TMEM178B: variants seen among roughly 807,000 people sequenced by gnomAD.
TMEM178B encodes transmembrane protein 178B.
In TMEM178B, 5 loss-of-function variants were observed where a neutral mutation model predicts 31.0. The ratio of observed to expected loss-of-function variants is 0.16; its 90% CI spans 0.08 to 0.34. TMEM178B has a LOEUF of 0.34. Among genes scored for constraint, TMEM178B ranks in the 10% least tolerant of loss-of-function variants. The pLI, the probability that TMEM178B is intolerant of heterozygous loss-of-function variation, is 1.00. For synonymous variants in TMEM178B, 164 were observed against 164.0 expected, an observed-to-expected ratio of 1.00 and a Z score of 0.00; for missense variants, 275 against 400.3, an observed-to-expected ratio of 0.69 and a Z score of 2.67.
intron 2 of TMEM178B, among the ~76,000 whole-genome samples, chr7:141,315,708 C>T (rs993135790): frequency 1.4e-4 from 21 of 152,246 alleles, no homozygotes; most frequent in Middle Eastern, 3.4e-3. Context: ...AAGGCAAGAG[C>T]CTTCCACTTA....
intron 1 of TMEM178B, among the ~76,000 whole-genome samples, chr7:141,151,497 T>A (rs565869323): frequency 3.9e-5 from 6 of 152,156 alleles, no homozygotes; most frequent in African/African-American, 1.4e-4. Flanking sequence ...CATGAGTCCC[T>A]CACCTGACTC....
At chr7:141,178,367 A>G (rs548236934) in intron 1 of TMEM178B, among the ~76,000 whole-genome samples, 1 of 152,356 alleles carries the variant, frequency 6.6e-6, no homozygotes, top group East Asian at 1.9e-4. Flanking sequence ...TAAAGAAATT[A>G]TGCATCTGGG....
intron 2 of TMEM178B, among the ~76,000 whole-genome samples, chr7:141,244,184 T>TA (rs1294240336): frequency 6.6e-6 from 1 of 152,184 alleles, no homozygotes; most frequent in Non-Finnish European, 1.5e-5. Flanking sequence ...ACAGGTCCTT[T>TA]AAAAAAATCC....
At chr7:141,486,947 A>G in the TMEM178B span, among the ~76,000 whole-genome samples, 1 of 152,264 alleles carries the variant, frequency 6.6e-6, no homozygotes, top group South Asian at 2.1e-4. Context: ...TCTGATAACA[A>G]CCAGAAGGAG....
intron 2 of TMEM178B, among the ~76,000 whole-genome samples, chr7:141,336,024 C>T (rs1799379930): frequency 6.6e-6 from 1 of 152,138 alleles, no homozygotes; most frequent in African/African-American, 2.4e-5. Context: ...TCACTACTGA[C>T]AATTGTAATT....
chr7:141,173,070 AGT>A, intron 1 of TMEM178B: 1 of 152,356 alleles, frequency 6.6e-6, no homozygotes, highest in East Asian at 1.9e-4. Flanking sequence ...TATTGAGAAA[AGT>A]GAGTAGGTAC....
intron 1 of TMEM178B, among the ~76,000 whole-genome samples, chr7:141,161,702 C>T (rs1796175261): frequency 1.3e-5 from 2 of 151,980 alleles, no homozygotes; most frequent in Admixed American, 1.3e-4. Context: ...AGAGACACTT[C>T]TGAGGTGGGC....
Position 141,272,646 on chromosome 7 carries a change from A to C in TMEM178B, c.496+59942A>C, listed in dbSNP as rs115239106. On this transcript the variant is annotated intron_variant, in intron 2 of 3. Transcript: ENST00000565468. ...AGGCACAACCTCTTTCCTGCCCACAAATCCAGAGATTCTGAGAGCTCCCCT... is the reference window on the plus strand; with the variant it reads ...AGGCACAACCTCTTTCCTGCCCACACATCCAGAGATTCTGAGAGCTCCCCT... Among the ~76,000 whole-genome samples, 328 of 152,330 alleles carry C rather than the reference A, an allele frequency of 2.2e-3. 1 individual carries two copies. The highest frequency in any genetic ancestry group is 7.6e-3 in the African/African-American group (315 of 41,574).
At chr7:141,195,618 G>GT (rs1298453473) in intron 1 of TMEM178B, among the ~76,000 whole-genome samples, 3 of 152,148 alleles carry the variant, frequency 2.0e-5, no homozygotes. Context: ...CCTCCAAACT[G>GT]TTCCAGCCTC....
In TMEM178B at chr7:141,372,392, A is replaced by G. The variant is rs140716305; in HGVS notation, c.497-65216A>G. On this transcript the variant is annotated intron_variant, in intron 2 of 3. Transcript: ENST00000565468. The stretch of plus-strand genomic sequence containing the variant: ...GTGCGCTCTTGCTCAGGACCTTGGC[A>G]TAGGCAGTTCCCTCCCTGCAGATTA... 3.5e-4 allele frequency among the ~76,000 whole-genome samples: 53 copies of G among 152,292 alleles called. 1 individual carries two copies. In the South Asian group the frequency reaches 9.7e-3, roughly 28 times the overall value.
chr7:141,424,993 T>C (rs1801287411), intron 2 of TMEM178B, among the ~76,000 whole-genome samples: 1 of 152,210 alleles, frequency 6.6e-6, no homozygotes, highest in Non-Finnish European at 1.5e-5. Context: ...AGCTGCCTGT[T>C]ACTGGCTGTG....
chr7:141,174,006 T>A (rs1451995177), intron 1 of TMEM178B, among the ~76,000 whole-genome samples: 1 of 152,200 alleles, frequency 6.6e-6, no homozygotes. Flanking sequence ...ATGTGCAGAA[T>A]GTGCATGTTT....
chr7:141,346,725 A>G (rs1168520378), intron 2 of TMEM178B, among the ~76,000 whole-genome samples: 1 of 152,182 alleles, frequency 6.6e-6, no homozygotes, highest in East Asian at 1.9e-4. Context: ...AGCCACATGG[A>G]TATGTATATA....
rs376024683 is a variant in TMEM178B, at chr7:141,283,483, C to G, written c.496+70779C>G. On this transcript the variant is annotated intron_variant, in intron 2 of 3. Coordinates refer to ENST00000565468, the MANE Select transcript of TMEM178B (RefSeq NM_001195278.2). ...TCCTGCAGCAAGGGGATGGCATTCC[C>G]CCTGGATGGACTCTGATTTGCTTTT... Among the ~76,000 whole-genome samples the G allele has an allele frequency of 1.2e-4, 18 of 152,302 alleles. No individual in the cohort carries two copies. The South Asian group carries it at 3.1e-3, about 26-fold the overall frequency.
chr7:141,095,101 T>C (rs964710502), intron 1 of TMEM178B, among the ~76,000 whole-genome samples: 4 of 152,348 alleles, frequency 2.6e-5, no homozygotes, highest in Admixed American at 2.6e-4. Flanking sequence ...GCAGCCACTT[T>C]GTAGGTTTTT....
intron 2 of TMEM178B, among the ~76,000 whole-genome samples, chr7:141,355,847 A>G (rs76315479): frequency 0.12 from 18,516 of 152,118 alleles, 1,198 homozygotes; most frequent in East Asian, 0.2. Flanking sequence ...TCATTTTTCA[A>G]TTCCTTTCCC....
At chr7:141,153,090 T>C (rs1306973461) in intron 1 of TMEM178B, among the ~76,000 whole-genome samples, 2 of 152,252 alleles carry the variant, frequency 1.3e-5, no homozygotes, top group Non-Finnish European at 2.9e-5. Flanking sequence ...GAAAGACACA[T>C]GCTTTCGGTG....
intron 2 of TMEM178B, among the ~76,000 whole-genome samples, chr7:141,246,858 G>A (rs1411735315): frequency 2.6e-5 from 4 of 152,100 alleles, no homozygotes; most frequent in Admixed American, 2.6e-4. Flanking sequence ...ATCTGAATAA[G>A]GGAGCATGTC....
intron 2 of TMEM178B, among the ~76,000 whole-genome samples, chr7:141,423,611 T>C (rs1801256005): frequency 1.3e-5 from 2 of 152,106 alleles, no homozygotes. Context: ...GTTTGTGACA[T>C]ATACAACGCT....
Sources: gnomAD v4.1 joint callset for allele counts (sites outside exome capture counted in the v4.1 genomes callset) on GRCh38, gnomAD v4.1.1 for gene constraint, MANE v1.5 for transcripts, NCBI Gene and HGNC (gene_info 2026-07-23, HGNC 2026-07-21) for gene names.